HHLA1: variants seen among roughly 807,000 people sequenced by gnomAD.
HHLA1 encodes the protein HERV-H LTR-associating protein 1.
In HHLA1, 72 loss-of-function variants were observed where a neutral mutation model predicts 69.9. The observed-to-expected ratio is 1.03, with a 90% CI of 0.85 to 1.25. HHLA1 has a LOEUF of 1.25. HHLA1 is among the 50% of genes most tolerant of loss of function. The pLI is 0.00. For synonymous variants in HHLA1, 252 were observed against 233.2 expected (o/e 1.08, Z -0.73); for missense variants, 685 against 642.2 (o/e 1.07, Z -0.72).
chr8:132,068,867 A>G (rs1248075808), intron 15 of HHLA1, among the ~76,000 whole-genome samples: 1 of 152,208 alleles, frequency 6.6e-6, no homozygotes, highest in Non-Finnish European at 1.5e-5. Context: ...AAAGATTTCA[A>G]GAGATGACCC....
At chr8:132,088,175 A>G (rs1309680144) in intron 8 of HHLA1, among the ~76,000 whole-genome samples, 2 of 152,138 alleles carry the variant, frequency 1.3e-5, no homozygotes, top group Non-Finnish European at 2.9e-5. Context: ...ACATGAATGA[A>G]TTGCTTGACC....
chr8:132,087,156 G>C (rs1041442897), intron 10 of HHLA1, among the ~76,000 whole-genome samples: 4 of 152,194 alleles, frequency 2.6e-5, no homozygotes, highest in African/African-American at 7.2e-5. Flanking sequence ...AGGCAAATAG[G>C]GTTCTGAAAT....
rs1200186228 is a variant in HHLA1 at position 132,076,035 on chromosome 8, G to C, written c.1315+20C>G. ...CAAAATAAACACAAGCAATAGTAAT[G>C]ACTGGGCACTGGTACTTACTTGAAA... On this transcript the variant is annotated intron_variant, in intron 14 of 16. Transcript: ENST00000414222. 1 of 1,525,150 alleles carries C rather than the reference G, an allele frequency of 6.6e-7. No individual in the cohort carries two copies. Among genetic ancestry groups the C allele is most frequent in the Non-Finnish European group, 8.9e-7 (1 of 1,123,046 alleles). The allele number at this position is 1,525,150 out of a possible 1,614,324, so 94.5% of individuals were successfully genotyped here. A position where few individuals can be genotyped will look rare whatever the true frequency, so the allele number is the denominator to read the frequency against.
At chr8:132,091,464 G>A (rs1235601372) in intron 7 of HHLA1, among the ~76,000 whole-genome samples, 2 of 152,036 alleles carry the variant, frequency 1.3e-5, no homozygotes, top group Admixed American at 6.6e-5. Flanking sequence ...ACTATTCCCG[G>A]TATTCTTACC....
At chr8:132,101,613 C>T (rs931168282) in intron 3 of HHLA1, among the ~76,000 whole-genome samples, 43 of 148,356 alleles carry the variant, frequency 2.9e-4, no homozygotes, top group Admixed American at 2.8e-3. Flanking sequence ...GAGTCTCACT[C>T]TGTTGCCCAG....
rs907898985 is a variant in HHLA1, at chr8:132,071,585, G to C, written c.1316-92C>G. The C allele has an allele frequency of 8.3e-6, 10 of 1,200,620 alleles. No individual in the cohort carries two copies. In the African/African-American group the frequency reaches 1.2e-4, roughly 15 times the overall value. The allele number at this position is 1,200,620 out of a possible 1,614,324, so 74.4% of individuals were successfully genotyped here. ...CCCTGCATCAGGTGAATATAGTCTT[G>C]TCCTGATCTCACGTAGCTCTGAGAC... On this transcript the variant is annotated intron_variant, in intron 14 of 16. Transcript: ENST00000414222.
rs1158479146 is a variant in HHLA1 at position 132,080,101 on chromosome 8, C to T, written c.677-135G>A. ...TCTAATTAAAAGTATCAGGCATTTG[C>T]TATGTTTCCTGAACAGATTCTGACC... On this transcript the variant is annotated intron_variant, in intron 10 of 16. Transcript: ENST00000414222. The T allele has an allele frequency of 4.9e-6, 6 of 1,230,658 alleles. No individual in the cohort carries two copies. The African/African-American group carries it at 9.0e-5, about 18-fold the overall frequency. 76.2% of individuals were successfully genotyped at this position (1,230,658 alleles called of 1,614,324 possible).
intron 1 of HHLA1, among the ~76,000 whole-genome samples, chr8:132,109,827 T>C (rs1431352563): frequency 6.6e-6 from 1 of 152,162 alleles, no homozygotes; most frequent in Non-Finnish European, 1.5e-5. Flanking sequence ...ACAAACAGAA[T>C]GGCCATTTCA....
intron 10 of HHLA1, among the ~76,000 whole-genome samples, chr8:132,087,107 T>A (rs1384460835): frequency 6.6e-6 from 1 of 152,116 alleles, no homozygotes; most frequent in African/African-American, 2.4e-5. Flanking sequence ...TTGGGGGATA[T>A]TTAAAAAAGA....
At chr8:132,086,136 G>A (rs1022250650) in intron 10 of HHLA1, among the ~76,000 whole-genome samples, 11 of 152,146 alleles carry the variant, frequency 7.2e-5, no homozygotes, top group African/African-American at 2.7e-4. Flanking sequence ...GTTGCTCCAT[G>A]AAGAAAAGAA....
Position 132,076,045 on chromosome 8 carries a change from T to C in HHLA1, c.1315+10A>G, listed in dbSNP as rs190911539. 175 of 1,542,868 alleles carry C rather than the reference T, an allele frequency of 1.1e-4. No individual in the cohort carries two copies. The African/African-American group carries it at 2.1e-3, about 19-fold the overall frequency. ...ACAAGCAATAGTAATGACTGGGCAC[T>C]GGTACTTACTTGAAACTTGATGGGG... On this transcript the variant is annotated intron_variant, in intron 14 of 16. Coordinates refer to ENST00000414222, the MANE Select transcript of HHLA1 (RefSeq NM_001145095.3).
intron 1 of HHLA1, among the ~76,000 whole-genome samples, chr8:132,108,798 A>G (rs1461734938): frequency 6.6e-6 from 1 of 152,072 alleles, no homozygotes; most frequent in Non-Finnish European, 1.5e-5. Flanking sequence ...GAAGACGGAA[A>G]GTGGGTGCTG....
At chr8:132,094,336 A>G (rs1250089891) in intron 7 of HHLA1, among the ~76,000 whole-genome samples, 1 of 152,224 alleles carries the variant, frequency 6.6e-6, no homozygotes, top group Non-Finnish European at 1.5e-5. Context: ...GCAGACAATC[A>G]CAATGGCTTC....
Position 132,065,068 on chromosome 8 carries a change from T to C in HHLA1, c.1552+818A>G, listed in dbSNP as rs188600839. On this transcript the variant is annotated intron_variant, in intron 16 of 16. Transcript: ENST00000414222. ...AGTCCCTTGAGGTAGTTCAGGTAGA[T>C]GGCATGATAATGGCCAAACTATGGG... 3.8e-4 allele frequency among the ~76,000 whole-genome samples: 58 copies of C among 152,218 alleles called. No individual in the cohort carries two copies. The East Asian group carries it at 0.01, about 26-fold the overall frequency.
chr8:132,080,467 TTGAGCCAGGA>T (rs1402845959), intron 10 of HHLA1: 1 of 261,044 alleles, frequency 3.8e-6, no homozygotes, highest in South Asian at 4.1e-5. Flanking sequence ...GGGGTGCTTT[TTGAGCCAGGA>T]TGAGCCAGGA....
rs150400812 is a variant in HHLA1, at chr8:132,061,739, T to G, written c.*2256A>C. The G allele has an allele frequency of 6.6e-6, 1 of 152,186 alleles. No individual in the cohort carries two copies. Among genetic ancestry groups the G allele is most frequent in the East Asian group, 1.9e-4 (1 of 5,196 alleles). The allele number at this position is 152,186 out of a possible 1,614,324, so 9.4% of individuals were successfully genotyped here. A position where few individuals can be genotyped will look rare whatever the true frequency, so the allele number is the denominator to read the frequency against. On this transcript the variant is annotated 3_prime_UTR_variant, in exon 17 of 17. Transcript: ENST00000414222. The stretch of plus-strand genomic sequence containing the variant: ...CCTCTTATGAACTCCAGGAGACCAG[T>G]TGGACTCCAGGCAGTCGTCAGCCAC...
At chr8:132,107,646 T>A (rs753096609) in intron 1 of HHLA1, among the ~76,000 whole-genome samples, 1 of 152,208 alleles carries the variant, frequency 6.6e-6, no homozygotes, top group Non-Finnish European at 1.5e-5. Context: ...CTACTGATAC[T>A]GTTCTTGGAG....
intron 4 of HHLA1, 67 bp downstream of exon 4, chr8:132,100,008 T>C (rs891117955): frequency 1.6e-5 from 18 of 1,156,334 alleles, no homozygotes; most frequent in Non-Finnish European, 2.3e-5. Context: ...AGAACAGAGG[T>C]CTAGAGAAGT....
chr8:132,065,903 C>T lies in HHLA1; in HGVS notation c.1535G>A (p.Arg512Lys). The T allele has an allele frequency of 7.7e-7, 1 of 1,301,730 alleles. No individual in the cohort carries two copies. Among genetic ancestry groups the T allele is most frequent in the South Asian group, 1.2e-5 (1 of 80,956 alleles). The allele number at this position is 1,301,730 out of a possible 1,614,324, so 80.6% of individuals were successfully genotyped here. A position where few individuals can be genotyped will look rare whatever the true frequency, so the allele number is the denominator to read the frequency against. The stretch of plus-strand genomic sequence containing the variant: ...GTACTTACTGTGCGAGTGGGACACC[C>T]TTTTCACCCTCTGACAGATATATGT... Reference protein sequence around the residue: ...NATYICQRVKRVSHSHTLKQK... With the variant: ...NATYICQRVKKVSHSHTLKQK... Residue 512 changes from arginine to lysine, a missense_variant, in exon 16 of 17, where the codon AGG becomes AAG. Coordinates refer to ENST00000414222, the MANE Select transcript of HHLA1 (RefSeq NM_001145095.3).
Sources: gnomAD v4.1 joint callset for allele counts (sites outside exome capture counted in the v4.1 genomes callset) on GRCh38, gnomAD v4.1.1 for gene constraint, MANE v1.5 for transcripts, NCBI Gene and HGNC (gene_info 2026-07-23, HGNC 2026-07-21) for gene names.